The following TRMT11 variants were observed in gnomAD, a reference collection of about 807,000 sequenced individuals.
The protein encoded by TRMT11 is tRNA methyltransferase 11.
In TRMT11, 53 loss-of-function variants were observed where a neutral mutation model predicts 62.8. That is an observed-to-expected ratio of 0.84 (90% CI 0.68 to 1.06). TRMT11 has a LOEUF of 1.06. TRMT11 is among the 50% of genes least tolerant of loss of function. The probability of loss-of-function intolerance (pLI) is 0.00; values close to 1 mark genes in which losing one functional copy is unlikely to be tolerated. For synonymous variants in TRMT11, 188 were observed against 190.3 expected (o/e 0.99, Z 0.10); for missense variants, 556 against 553.4 (o/e 1.00, Z -0.05).
intron 21 of TRMT11, among the ~76,000 whole-genome samples, chr6:126,135,192 A>G (rs929579155): frequency 6.6e-6 from 1 of 151,774 alleles, no homozygotes; most frequent in Non-Finnish European, 1.5e-5. Context: ...ACAAAATATT[A>G]ACAAAATTAA....
intron 17 of TRMT11, among the ~76,000 whole-genome samples, chr6:126,064,666 C>T (rs2128131305): frequency 6.6e-6 from 1 of 152,218 alleles, no homozygotes; most frequent in East Asian, 1.9e-4. Flanking sequence ...CCATAAAGTG[C>T]AAATACCAGG....
chr6:126,113,105 C>G (rs965691846), intron 18 of TRMT11, among the ~76,000 whole-genome samples: 2 of 152,058 alleles, frequency 1.3e-5, no homozygotes, highest in Admixed American at 6.6e-5. Context: ...AGGCATTAAG[C>G]AAACAACCAT....
chr6:126,020,757 G>A (rs1168251900), intron 11 of TRMT11, among the ~76,000 whole-genome samples: 1 of 152,176 alleles, frequency 6.6e-6, no homozygotes, highest in Admixed American at 6.5e-5. Context: ...TGCTGTAGTG[G>A]ATTATACACT....
chr6:126,151,863 T>TTTCTTTCTTTCTTTCTTTCTTTCCTTCC lies in TRMT11; in HGVS notation c.*1824-22959_*1824-22958insTTTCTTTCTTTCTTTCTTTCCTTCCTTC, dbSNP rs1323998793. Among the ~76,000 whole-genome samples the TTTCTTTCTTTCTTTCTTTCTTTCCTTCC allele has an allele frequency of 1.1e-3, 145 of 126,392 alleles. 3 individuals carry two copies. Among genetic ancestry groups the TTTCTTTCTTTCTTTCTTTCTTTCCTTCC allele is most frequent in the African/African-American group, 4.4e-3 (133 of 30,210 alleles). 82.9% of individuals were successfully genotyped at this position (126,392 alleles called of 152,430 possible). ...CTTTCTTTCTTTCTTTCTTTCTTTC[T>TTTCTTTCTTTCTTTCTTTCTTTCCTTCC]TTCCTTCTTTCTCCTTCCTTCCTTG... On this transcript the variant is annotated intron_variant and NMD_transcript_variant, in intron 21 of 22. Transcript: ENST00000648977.
intron 21 of TRMT11, among the ~76,000 whole-genome samples, chr6:126,122,864 C>T (rs1777666356): frequency 6.6e-6 from 1 of 152,040 alleles, no homozygotes; most frequent in Non-Finnish European, 1.5e-5. Context: ...CCTCTAGGGG[C>T]CAGAGCCCTG....
intron 12 of TRMT11, among the ~76,000 whole-genome samples, chr6:126,023,208 G>T (rs569078146): frequency 1.3e-5 from 2 of 152,272 alleles, no homozygotes; most frequent in Non-Finnish European, 2.9e-5. Flanking sequence ...AAATTCTATA[G>T]TTTCCAAATT....
intron 21 of TRMT11, among the ~76,000 whole-genome samples, chr6:126,169,697 TG>T (rs1184833790): frequency 1.3e-5 from 2 of 152,214 alleles, no homozygotes; most frequent in Non-Finnish European, 2.9e-5. Context: ...GACTTAAACC[TG>T]TTTTCTTTTC....
intron 17 of TRMT11, among the ~76,000 whole-genome samples, chr6:126,099,277 T>C (rs2128176219): frequency 6.6e-6 from 1 of 152,364 alleles, no homozygotes; most frequent in Middle Eastern, 3.4e-3. Flanking sequence ...CGCACATCTT[T>C]GCTTTCACTT....
At chr6:125,994,756 G>A (rs1206651580) in intron 2 of TRMT11, among the ~76,000 whole-genome samples, 3 of 152,150 alleles carry the variant, frequency 2.0e-5, no homozygotes, top group African/African-American at 7.2e-5. Flanking sequence ...TATACACCAT[G>A]GAAGCCATAA....
intron 21 of TRMT11, among the ~76,000 whole-genome samples, chr6:126,163,315 A>G (rs1192747523): frequency 1.3e-5 from 2 of 152,180 alleles, no homozygotes; most frequent in African/African-American, 2.4e-5. Flanking sequence ...TATTGAGATA[A>G]TCATGTGGTT....
chr6:126,029,984 T>A (rs998608964), intron 12 of TRMT11, among the ~76,000 whole-genome samples: 6 of 152,220 alleles, frequency 3.9e-5, no homozygotes, highest in Admixed American at 2.0e-4. Flanking sequence ...AAGATTTTAA[T>A]ACGTATTAAA....
At chr6:126,043,133 A>T (rs1775929579), downstream of TRMT11, among the ~76,000 whole-genome samples, 1 of 150,698 alleles carries the variant, frequency 6.6e-6, no homozygotes, top group Non-Finnish European at 1.5e-5. Flanking sequence ...TACATGTGCC[A>T]TGCTGGTGTG....
intron 21 of TRMT11, among the ~76,000 whole-genome samples, chr6:126,130,420 T>C (rs6907959): frequency 0.23 from 35,682 of 152,002 alleles, 4,510 homozygotes; most frequent in African/African-American, 0.33. Context: ...ATCCAAAGTT[T>C]AACTAAGTTT....
chr6:126,254,918 G>A, the TRMT11 span, among the ~76,000 whole-genome samples: 2 of 152,058 alleles, frequency 1.3e-5, no homozygotes, highest in Non-Finnish European at 2.9e-5. Context: ...TTGCCTTCTA[G>A]TTCCCTAGCA....
chr6:126,029,904 A>G (rs1445392681), intron 12 of TRMT11, among the ~76,000 whole-genome samples: 1 of 152,184 alleles, frequency 6.6e-6, no homozygotes, highest in Non-Finnish European at 1.5e-5. Context: ...ATAAGTATTA[A>G]GAAATTACAT....
the TRMT11 span, among the ~76,000 whole-genome samples, chr6:126,231,214 C>A: frequency 6.6e-6 from 1 of 152,128 alleles, no homozygotes; most frequent in African/African-American, 2.4e-5. Flanking sequence ...ACCAGAGAAT[C>A]TCTTGGTTCT....
chr6:126,123,606 T>C (rs1037359225), intron 21 of TRMT11, among the ~76,000 whole-genome samples: 7 of 152,068 alleles, frequency 4.6e-5, no homozygotes, highest in African/African-American at 1.7e-4. Context: ...TCAGATGTAA[T>C]TCCTACCTCT....
chr6:126,004,968 C>A (rs1793131606), intron 7 of TRMT11, among the ~76,000 whole-genome samples: 3 of 152,060 alleles, frequency 2.0e-5, no homozygotes, highest in Admixed American at 2.0e-4. Flanking sequence ...CATTGGTTTT[C>A]ATTTTAGTAA....
At chr6:126,028,888 T>C (rs1005085065) in intron 12 of TRMT11, among the ~76,000 whole-genome samples, 2 of 152,136 alleles carry the variant, frequency 1.3e-5, no homozygotes, top group Non-Finnish European at 2.9e-5. Context: ...AGAACACATG[T>C]CTTTATGGTT....
Sources: allele counts gnomAD v4.1 joint callset (sites outside exome capture counted in the v4.1 genomes callset), GRCh38; gene constraint gnomAD v4.1.1; transcripts MANE v1.5; gene names NCBI Gene and HGNC (gene_info 2026-07-23, HGNC 2026-07-21).